USP24: variants seen among roughly 807,000 people sequenced by gnomAD.
USP24 encodes ubiquitin specific peptidase 24, also known as ubiquitin carboxyl-terminal hydrolase 24.
A neutral mutation model predicts 361.6 loss-of-function variants in USP24; 97 were observed. The observed-to-expected ratio is 0.27, with a 90% CI of 0.23 to 0.32. The LOEUF is 0.32. USP24 is among the 10% of genes least tolerant of loss of function. USP24 has a pLI of 1.00. For synonymous variants in USP24, 1,098 were observed against 1,124.6 expected (o/e 0.98, Z 0.47); for missense variants, 2,353 against 3,165.6 (o/e 0.74, Z 6.16).
At chr1:55,093,823 G>A in intron 52 of USP24, 114 bp downstream of exon 52, 1 of 1,423,732 alleles carries the variant, frequency 7.0e-7, no homozygotes. Flanking sequence ...AAGTGTGTAA[G>A]ACGATGTAGC....
intron 51 of USP24, among the ~76,000 whole-genome samples, chr1:55,095,053 C>T (rs17111605): frequency 0.036 from 5,445 of 152,244 alleles, 308 homozygotes; most frequent in African/African-American, 0.12. Flanking sequence ...AAATAACTTA[C>T]GTGCATGTTT....
At chr1:55,114,377 A>T (rs1413577783) in intron 38 of USP24, among the ~76,000 whole-genome samples, 2 of 152,136 alleles carry the variant, frequency 1.3e-5, no homozygotes, top group Non-Finnish European at 2.9e-5. Flanking sequence ...TTCTTCACAG[A>T]ATTAGAGAAA....
At position 55,171,589 on chromosome 1, in the gene USP24, C is replaced by T. The variant is rs761266726; in HGVS notation, c.792G>A (p.Met264Ile). 7.6e-5 allele frequency: 122 copies of T among 1,611,376 alleles called. No homozygotes were observed. Among genetic ancestry groups the T allele is most frequent in the Non-Finnish European group, 1.0e-4 (118 of 1,178,756 alleles). The change falls in exon 5 of 68, where the codon ATG becomes ATA. Residue 264 changes from methionine to isoleucine, a missense_variant. Met to Ile is a conservative substitution (Grantham distance 10). This residue lies in a region of USP24 where 386 missense variants were observed against 560.5 expected (regional missense o/e 0.69). Transcript: ENST00000294383. ...NWAEVFGEGN[M>I]FAVSPVSTFQ... ...AAGTCGATACAGGTGAAACAGCAAA[C>T]ATATTTCCCTCTCCAAACACTTCTG...
At chr1:55,141,494 G>A in intron 24 of USP24, 122 bp downstream of exon 24, 1 of 884,720 alleles carries the variant, frequency 1.1e-6, no homozygotes. Context: ...GATTATGACA[G>A]CTTGCAAAAA....
chr1:55,104,007 T>G lies in USP24; in HGVS notation c.4894A>C (p.Asn1632His), dbSNP rs1466760093. The change falls in exon 42 of 68, where the codon AAT becomes CAT. Residue 1632 changes from asparagine (N) to histidine (H), a missense_variant. Around this residue, in one of 8 missense-constraint regions of USP24, gnomAD observed 949 missense variants for 1,280.5 expected, o/e 0.74. Transcript: ENST00000294383. The part of the protein sequence containing the change: ...QDFHPKCSTA[N>H]SRLAAYEVLV... The stretch of plus-strand genomic sequence containing the variant: ...ACTTCATAGGCTGCCAATCGGCTAT[T>G]CGCTGTACTACACCTAGAAACAAAA... The G allele has an allele frequency of 6.2e-7, 1 of 1,609,090 alleles. No homozygotes were observed. Among genetic ancestry groups the G allele is most frequent in the South Asian group, 1.1e-5 (1 of 89,922 alleles).
chr1:55,176,041 A>G (rs972510885), intron 3 of USP24, among the ~76,000 whole-genome samples: 1 of 152,232 alleles, frequency 6.6e-6, no homozygotes, highest in African/African-American at 2.4e-5. Context: ...GTTTACTAAT[A>G]TGTGCAATAT....
chr1:55,119,703 A>ATG, intron 38 of USP24, among the ~76,000 whole-genome samples: 1 of 151,908 alleles, frequency 6.6e-6, no homozygotes, highest in South Asian at 2.1e-4. Flanking sequence ...TTATATATAT[A>ATG]GATATATATA....
chr1:55,108,334 G>A (rs1645850495), intron 39 of USP24, among the ~76,000 whole-genome samples: 1 of 152,184 alleles, frequency 6.6e-6, no homozygotes, highest in Non-Finnish European at 1.5e-5. Flanking sequence ...CTTGGGAGGG[G>A]AGGAAGAGTG....
At chr1:55,098,179 T>C (rs1645540466) in intron 46 of USP24, 95 bp from the exon 47 acceptor site, 7 of 1,359,336 alleles carry the variant, frequency 5.1e-6, no homozygotes, top group Non-Finnish European at 6.7e-6. Context: ...AACTACATTT[T>C]TAATCTGGGA....
intron 24 of USP24, among the ~76,000 whole-genome samples, chr1:55,139,747 T>C (rs1646836423): frequency 6.6e-6 from 1 of 152,176 alleles, no homozygotes; most frequent in Non-Finnish European, 1.5e-5. Flanking sequence ...ATTGGTCTGG[T>C]ATGCTGATTA....
At chr1:55,213,273 T>A (rs890321570) in intron 1 of USP24, among the ~76,000 whole-genome samples, 3 of 152,182 alleles carry the variant, frequency 2.0e-5, no homozygotes, top group Non-Finnish European at 4.4e-5. Context: ...TTTAAAAAAA[T>A]TCCCAAACTA....
intron 35 of USP24, 111 bp downstream of exon 35, chr1:55,124,358 A>G: frequency 7.8e-7 from 1 of 1,285,474 alleles, no homozygotes. Context: ...TCATGCTCAC[A>G]AGCAAGAGAA....
chr1:55,111,104 T>C (rs373070149), intron 38 of USP24, among the ~76,000 whole-genome samples: 6 of 152,220 alleles, frequency 3.9e-5, no homozygotes, highest in East Asian at 1.9e-4. Context: ...AGTTGGTCCA[T>C]GGTAACTGCT....
At chr1:55,188,916 C>G (rs1312575770) in intron 1 of USP24, among the ~76,000 whole-genome samples, 1 of 140,340 alleles carries the variant, frequency 7.1e-6, no homozygotes, top group African/African-American at 2.7e-5. Context: ...GCAGAGATCG[C>G]GCCACCCATT....
At chr1:55,156,428 G>C (rs182971512) in intron 12 of USP24, among the ~76,000 whole-genome samples, 2 of 151,428 alleles carry the variant, frequency 1.3e-5, no homozygotes, top group Admixed American at 1.3e-4. Context: ...GTTAGTAAAG[G>C]GGACTCAAGG....
At chr1:55,172,957 A>G (rs1649599432) in intron 3 of USP24, among the ~76,000 whole-genome samples, 1 of 152,198 alleles carries the variant, frequency 6.6e-6, no homozygotes, top group South Asian at 2.1e-4. Flanking sequence ...TACAAATGTT[A>G]TGAGGATTAA....
chr1:55,095,151 C>G (rs1645467678), intron 51 of USP24, 104 bp downstream of exon 51: 2 of 1,288,392 alleles, frequency 1.6e-6, no homozygotes, highest in Non-Finnish European at 2.0e-6. Context: ...TAGAATTTCT[C>G]TCCAGCTTAG....
chr1:55,095,251 T>G lies in USP24; in HGVS notation c.6203+4A>C, dbSNP rs1557550400. ...ACAGCAAATTACATGGAAGAGACAC[T>G]TACAGAGAGAGATCCTCAGCTTCCT... On this transcript the variant is annotated splice_donor_region_variant and intron_variant, in intron 51 of 67. Coordinates refer to ENST00000294383, the MANE Select transcript of USP24 (RefSeq NM_015306.3). The G allele has an allele frequency of 1.2e-6, 2 of 1,613,482 alleles. No homozygotes were observed. The highest frequency in any genetic ancestry group is 1.7e-6 in the Non-Finnish European group (2 of 1,179,676).
chr1:55,214,727 G>A, intron 1 of USP24, 63 bp downstream of exon 1: 1 of 1,128,982 alleles, frequency 8.9e-7, no homozygotes, highest in Non-Finnish European at 1.1e-6. Flanking sequence ...AGCGGGGTGT[G>A]TCCCCTCCCA....
Sources: gnomAD v4.1 joint callset for allele counts (sites outside exome capture counted in the v4.1 genomes callset) on GRCh38, gnomAD v4.1.1 for gene constraint, gnomAD v4.1.1 regional missense constraint, MANE v1.5 for transcripts, NCBI Gene and HGNC (gene_info 2026-07-23, HGNC 2026-07-21) for gene names.